Variants in HDAC4 observed in about 807,000 individuals in gnomAD.
The protein encoded by HDAC4 is histone deacetylase A.
In HDAC4, 16 loss-of-function variants were observed where a neutral mutation model predicts 135.1. The observed-to-expected ratio is 0.12, with a 90% CI of 0.08 to 0.18. The LOEUF is 0.18. HDAC4 is among the 10% of genes least tolerant of loss of function. HDAC4 has a pLI of 1.00. For missense variants in HDAC4, 1,143 were observed against 1,511.8 expected (o/e 0.76, Z 4.05); for synonymous variants, 685 against 653.4 (o/e 1.05, Z -0.74).
chr2:239,252,409 C>A (rs1233301935), intron 2 of HDAC4, among the ~76,000 whole-genome samples: 1 of 152,204 alleles, frequency 6.6e-6, no homozygotes, highest in Non-Finnish European at 1.5e-5. Context: ...CCCACGCCAC[C>A]ATGGACACAG....
intron 1 of HDAC4, among the ~76,000 whole-genome samples, chr2:239,372,840 G>GCACATATGTACACATGCA (rs1318657455): frequency 7.2e-5 from 11 of 152,120 alleles, no homozygotes; most frequent in Admixed American, 3.3e-4. Context: ...GCACACATGT[G>GCACATATGTACACATGCA]CACATATGTA....
intron 25 of HDAC4, among the ~76,000 whole-genome samples, chr2:239,054,196 G>A (rs1228370108): frequency 6.6e-6 from 1 of 152,118 alleles, no homozygotes; most frequent in African/African-American, 2.4e-5. Context: ...CAACCATCTG[G>A]GTCATCTCAA....
At chr2:239,401,272 C>A (rs961762498), upstream of HDAC4, 3 of 152,414 alleles carry the variant, frequency 2.0e-5, no homozygotes, top group African/African-American at 7.2e-5. Context: ...ACCCCTCGCC[C>A]AGCGGCTGCT....
intron 2 of HDAC4, among the ~76,000 whole-genome samples, chr2:239,239,670 C>A (rs558434967): frequency 2.0e-5 from 3 of 152,320 alleles, no homozygotes; most frequent in South Asian, 2.1e-4. Flanking sequence ...TGCTTGTTCT[C>A]GTTGTGTGCC....
At chr2:239,247,515 C>T (rs1443208189) in intron 2 of HDAC4, among the ~76,000 whole-genome samples, 1 of 152,212 alleles carries the variant, frequency 6.6e-6, no homozygotes, top group Non-Finnish European at 1.5e-5. Context: ...AGTGCCGCAG[C>T]CGGGGCCCGT....
At chr2:239,078,840 G>C (rs978256442) in intron 22 of HDAC4, among the ~76,000 whole-genome samples, 1 of 152,220 alleles carries the variant, frequency 6.6e-6, no homozygotes, top group Non-Finnish European at 1.5e-5. Flanking sequence ...AAACGCCTAT[G>C]GGGTGAGGGT....
intron 3 of HDAC4, among the ~76,000 whole-genome samples, chr2:239,215,237 C>T (rs1030745696): frequency 1.5e-4 from 23 of 152,146 alleles, no homozygotes; most frequent in African/African-American, 5.5e-4. Flanking sequence ...GGACTGGTGG[C>T]CGGGGCGGGG....
At chr2:239,168,591 G>T (rs569439338) in intron 5 of HDAC4, among the ~76,000 whole-genome samples, 16 of 152,314 alleles carry the variant, frequency 1.1e-4, no homozygotes, top group Middle Eastern at 3.4e-3. Flanking sequence ...ATAAACAGAT[G>T]CTGTGCACCG....
At chr2:239,378,556 G>C (rs768613717) in intron 1 of HDAC4, among the ~76,000 whole-genome samples, 1 of 152,138 alleles carries the variant, frequency 6.6e-6, no homozygotes, top group East Asian at 1.9e-4. Flanking sequence ...ACTCTCCTCT[G>C]CAGGCCTCCA....
At chr2:239,237,972 T>A (rs574707597) in intron 2 of HDAC4, among the ~76,000 whole-genome samples, 3 of 152,228 alleles carry the variant, frequency 2.0e-5, no homozygotes, top group African/African-American at 7.2e-5. Flanking sequence ...CTTCCCTGGG[T>A]CAGGAGAAAG....
chr2:239,401,550 G>C (rs1045443895), upstream of HDAC4: 2 of 212,826 alleles, frequency 9.4e-6, no homozygotes, highest in Admixed American at 6.3e-5. Flanking sequence ...AGCACCGCAT[G>C]TCTGCGAGCC....
intron 2 of HDAC4, among the ~76,000 whole-genome samples, chr2:239,242,840 CAT>C (rs200323773): frequency 0.018 from 2,735 of 152,348 alleles, 96 homozygotes; most frequent in African/African-American, 0.062. Context: ...TTTTAAATCA[CAT>C]GTTTGCTTAA....
chr2:239,167,119 G>C lies in HDAC4; in HGVS notation c.491-3196C>G, dbSNP rs749634739. On this transcript the variant is annotated intron_variant, in intron 5 of 26. Coordinates refer to ENST00000543185, the MANE Select transcript of HDAC4 (RefSeq NM_001378414.1). The surrounding 1 kb of genome is among the most constrained non-coding windows in gnomAD (Gnocchi z 4.1). ...AGGCAGCAGAGCAGGACAAGAAGCA[G>C]GTTCTCGGTGTGCGGGACGAGGACG... is the stretch of plus-strand genomic sequence containing the variant. Among the ~76,000 whole-genome samples, 3 of 152,230 alleles carry C rather than the reference G, an allele frequency of 2.0e-5. No individual in the cohort carries two copies. The highest frequency in any genetic ancestry group is 4.8e-5 in the African/African-American group (2 of 41,542).
intron 19 of HDAC4, among the ~76,000 whole-genome samples, chr2:239,087,154 G>A (rs1428085586): frequency 6.6e-6 from 1 of 152,182 alleles, no homozygotes; most frequent in African/African-American, 2.4e-5. Flanking sequence ...GGCTTGCTGC[G>A]TCAGTACCAG....
At chr2:239,274,632 A>G (rs1286531879) in intron 2 of HDAC4, among the ~76,000 whole-genome samples, 2 of 152,234 alleles carry the variant, frequency 1.3e-5, no homozygotes, top group Non-Finnish European at 2.9e-5. Flanking sequence ...AAGCAAAGCA[A>G]GCCAGTGAAG....
chr2:239,388,340 A>G (rs1695965713), intron 1 of HDAC4, among the ~76,000 whole-genome samples: 1 of 152,334 alleles, frequency 6.6e-6, no homozygotes, highest in South Asian at 2.1e-4. Context: ...ACCTAATCCC[A>G]AAGCACATTC....
chr2:239,116,030 C>T lies in HDAC4; in HGVS notation c.1534-720G>A, dbSNP rs562760394. 3.3e-4 allele frequency among the ~76,000 whole-genome samples: 50 copies of T among 152,290 alleles called. No homozygotes were observed. In the South Asian group the frequency reaches 8.1e-3, roughly 25 times the overall value. On this transcript the variant is annotated intron_variant, in intron 12 of 26. Transcript: ENST00000543185. ...TCCTGTGGGACTCCCTAGATGCCCC[C>T]GACCTCTTTTCCTGTTGGATCTCAC...
intron 2 of HDAC4, among the ~76,000 whole-genome samples, chr2:239,246,664 G>C (rs560765381): frequency 2.0e-5 from 3 of 152,364 alleles, no homozygotes; most frequent in African/African-American, 7.2e-5. Context: ...TCTCCTAGAC[G>C]GTTCTGCAGG....
chr2:239,178,050 G>A (rs1417495186), intron 4 of HDAC4, among the ~76,000 whole-genome samples: 3 of 152,176 alleles, frequency 2.0e-5, no homozygotes, highest in African/African-American at 4.8e-5. Flanking sequence ...CTCCGCTCTC[G>A]TTCGCATGCT....
Sources: allele counts gnomAD v4.1 joint callset (sites outside exome capture counted in the v4.1 genomes callset), GRCh38; gene constraint gnomAD v4.1.1; non-coding constraint Gnocchi (gnomAD v3.1); transcripts MANE v1.5; gene names NCBI Gene and HGNC (gene_info 2026-07-23, HGNC 2026-07-21).